Variants in PCBP3 observed in about 807,000 individuals in gnomAD.
The protein encoded by PCBP3 is poly(rC) binding protein 3, also known as poly(rC)-binding protein 3.
Under a neutral mutation model 52.7 loss-of-function variants are expected in PCBP3, and 25 were observed. The observed-to-expected ratio is 0.47, with a 90% confidence interval of 0.35 to 0.66. The LOEUF (loss-of-function observed/expected upper bound fraction) is 0.66, where lower values mean the gene tolerates loss of function less well. Ranked by LOEUF, PCBP3 falls within the 30% of genes least tolerant of loss-of-function variation. PCBP3 has a pLI of 0.01. For missense variants in PCBP3, 391 were observed against 490.3 expected (o/e 0.80, Z 1.91); for synonymous variants, 162 against 183.0 (o/e 0.89, Z 0.93).
At position 45,708,178 on chromosome 21, in the gene PCBP3, A is replaced by G. The variant is rs137866108; in HGVS notation, c.-199-27214A>G. On this transcript the variant is annotated intron_variant, in intron 2 of 17. Coordinates refer to ENST00000681687, the MANE Select transcript of PCBP3 (RefSeq NM_001384156.1). ...CTTTAGACTGGTTCTATGTGAAAGG[A>G]GGATGTTTGGGATCACCATGTGGGT... Among the ~76,000 whole-genome samples, 336 of 152,246 alleles carry G rather than the reference A, an allele frequency of 2.2e-3. 2 individuals carry two copies. The highest frequency in any genetic ancestry group is 0.021 in the South Asian group (99 of 4,826).
At chr21:45,669,787 T>TTGTG (rs1224298314) in intron 2 of PCBP3, among the ~76,000 whole-genome samples, 7 of 78,992 alleles carry the variant, frequency 8.9e-5, no homozygotes, top group African/African-American at 1.0e-4. Context: ...TAATATTCCA[T>TTGTG]TGTGTGTGTG....
intron 4 of PCBP3, among the ~76,000 whole-genome samples, chr21:45,772,725 C>G (rs1375735826): frequency 6.6e-6 from 1 of 152,088 alleles, no homozygotes; most frequent in Non-Finnish European, 1.5e-5. Flanking sequence ...TCACCAACAC[C>G]TGTTATTTTT....
intron 2 of PCBP3, among the ~76,000 whole-genome samples, chr21:45,719,431 C>T (rs1179720238): frequency 2.0e-5 from 3 of 152,146 alleles, no homozygotes; most frequent in Non-Finnish European, 4.4e-5. Context: ...TTCTCCAAGA[C>T]ATACTGATAT....
rs1046571770 is a variant in PCBP3 at position 45,791,551 on chromosome 21, A to G, written c.-126+36099A>G. On this transcript the variant is annotated intron_variant, in intron 4 of 17. Coordinates refer to ENST00000681687, the MANE Select transcript of PCBP3 (RefSeq NM_001384156.1). This position sits in a 1 kb window ranked among gnomAD's most constrained non-coding sequence, Gnocchi z 4.2. ...ATGGTCTCGCGGCGTGATCTGGGCT[A>G]GGGAAGGAGAGAAGCTCGCGAGGGA... 2.6e-5 allele frequency among the ~76,000 whole-genome samples: 4 copies of G among 152,226 alleles called. No individual in the cohort carries two copies. Among genetic ancestry groups the G allele is most frequent in the Non-Finnish European group, 5.9e-5 (4 of 68,038 alleles).
chr21:45,718,476 A>G (rs987229969), intron 2 of PCBP3, among the ~76,000 whole-genome samples: 1 of 151,986 alleles, frequency 6.6e-6, no homozygotes, highest in African/African-American at 2.4e-5. Context: ...ACAGCTTCGA[A>G]AGACTCCTGT....
chr21:45,738,501 G>A (rs375619450), intron 3 of PCBP3, among the ~76,000 whole-genome samples: 19 of 152,118 alleles, frequency 1.2e-4, no homozygotes, highest in Admixed American at 1.3e-4. Context: ...TGATCCACAC[G>A]CCTCGGCCTC....
intron 4 of PCBP3, among the ~76,000 whole-genome samples, chr21:45,816,141 G>A (rs1308835605): frequency 2.0e-5 from 3 of 151,434 alleles, no homozygotes; most frequent in East Asian, 1.9e-4. Context: ...TGGTGGGTGA[G>A]TGAGTGATGA....
chr21:45,898,678 C>T (rs113495365), intron 6 of PCBP3, among the ~76,000 whole-genome samples: 1,407 of 39,798 alleles, frequency 0.035, 80 homozygotes, highest in African/African-American at 0.066. Flanking sequence ...CCTCCCTCTC[C>T]CTCCACGGGC....
intron 4 of PCBP3, among the ~76,000 whole-genome samples, chr21:45,786,039 G>T (rs2091126556): frequency 6.7e-6 from 1 of 149,848 alleles, no homozygotes; most frequent in Non-Finnish European, 1.5e-5. Flanking sequence ...AGAGACCTTT[G>T]TTCACTTGTT....
chr21:45,839,814 G>C (rs573966501), intron 4 of PCBP3, among the ~76,000 whole-genome samples: 3 of 152,032 alleles, frequency 2.0e-5, no homozygotes, highest in East Asian at 2.0e-4. Flanking sequence ...AGCCTCCCGA[G>C]TAGCTGGGAT....
At chr21:45,709,027 CT>C (rs929006310) in intron 2 of PCBP3, among the ~76,000 whole-genome samples, 12 of 152,184 alleles carry the variant, frequency 7.9e-5, no homozygotes, top group African/African-American at 2.9e-4. Context: ...AGCGGCAGAA[CT>C]TTTGGACAAA....
intron 5 of PCBP3, among the ~76,000 whole-genome samples, chr21:45,869,859 C>T (rs756523378): frequency 6.6e-6 from 1 of 152,216 alleles, no homozygotes; most frequent in Non-Finnish European, 1.5e-5. Context: ...CAGGGCCCAC[C>T]AAGGTGCTGT....
At chr21:45,835,578 C>T (rs2093565248) in intron 4 of PCBP3, among the ~76,000 whole-genome samples, 1 of 152,236 alleles carries the variant, frequency 6.6e-6, no homozygotes, top group Non-Finnish European at 1.5e-5. Flanking sequence ...CCTAATATGC[C>T]TCAGCATTCT....
At position 45,881,713 on chromosome 21, in the gene PCBP3, A is replaced by G. The variant is rs548424871; in HGVS notation, c.11-14495A>G. 2.6e-5 allele frequency among the ~76,000 whole-genome samples: 4 copies of G among 151,716 alleles called. No homozygotes were observed. The East Asian group carries it at 7.7e-4, about 29-fold the overall frequency. On this transcript the variant is annotated intron_variant, in intron 5 of 17. Transcript: ENST00000681687. ...CTTGTGCCAGTGACCAACAGCTCCC[A>G]TTTCCCCCAACCCCCCGCAGTCCCC...
intron 1 of PCBP3, 95 bp from the exon 2 acceptor site, chr21:45,668,779 A>G (rs1015134602): frequency 6.6e-6 from 1 of 152,128 alleles, no homozygotes; most frequent in Non-Finnish European, 1.5e-5. Context: ...GGAAGTTCTT[A>G]CTTTACTATT....
intron 5 of PCBP3, among the ~76,000 whole-genome samples, chr21:45,874,728 A>G (rs1057499177): frequency 3.9e-5 from 6 of 152,030 alleles, no homozygotes; most frequent in Admixed American, 2.0e-4. Context: ...CTGGTCTCCA[A>G]TGCTGTCTTC....
intron 3 of PCBP3, chr21:45,749,510 G>A (rs1364788763): frequency 6.6e-6 from 1 of 152,366 alleles, no homozygotes; most frequent in African/African-American, 2.4e-5. Flanking sequence ...AGCTTGAAGA[G>A]TCAGGGAGAG....
intron 15 of PCBP3, among the ~76,000 whole-genome samples, chr21:45,932,017 C>T (rs1285342198): frequency 3.3e-5 from 5 of 151,930 alleles, no homozygotes; most frequent in South Asian, 2.1e-4. Flanking sequence ...ACATGTCGGC[C>T]GTGCCGTCCT....
At chr21:45,671,957 A>C (rs1044839897) in intron 2 of PCBP3, among the ~76,000 whole-genome samples, 2 of 152,122 alleles carry the variant, frequency 1.3e-5, no homozygotes, top group Admixed American at 6.6e-5. Flanking sequence ...CTGTCCCTCC[A>C]TCTGGCTAGG....
Sources: allele counts gnomAD v4.1 joint callset (sites outside exome capture counted in the v4.1 genomes callset), GRCh38; gene constraint gnomAD v4.1.1; non-coding constraint Gnocchi (gnomAD v3.1); transcripts MANE v1.5; gene names NCBI Gene and HGNC (gene_info 2026-07-23, HGNC 2026-07-21).